SPOCK3: variants seen among roughly 807,000 people sequenced by gnomAD.
SPOCK3 encodes the protein SPARC (osteonectin), cwcv and kazal like domains proteoglycan 3.
SPOCK3 carries 30 observed loss-of-function variants against 56.6 expected under a neutral mutation model. The observed-to-expected ratio is 0.53, with a 90% CI of 0.40 to 0.72. The LOEUF is 0.72. SPOCK3 is among the 30% of genes least tolerant of loss of function. SPOCK3 has a pLI of 0.00. For missense variants in SPOCK3, 527 were observed against 530.0 expected (o/e 0.99, Z 0.06); for synonymous variants, 196 against 183.3 (o/e 1.07, Z -0.56).
intron 7 of SPOCK3, among the ~76,000 whole-genome samples, chr4:166,773,836 G>C (rs1037607896): frequency 6.6e-6 from 1 of 152,060 alleles, no homozygotes; most frequent in African/African-American, 2.4e-5. Context: ...CTAGTATATT[G>C]ATCACACCAT....
chr4:167,185,265 T>C (rs1332648603), intron 2 of SPOCK3, among the ~76,000 whole-genome samples: 1 of 152,196 alleles, frequency 6.6e-6, no homozygotes, highest in Non-Finnish European at 1.5e-5. Context: ...TTTAACTAAA[T>C]ATTAAAACAG....
At chr4:166,921,090 G>C (rs1738430289) in intron 4 of SPOCK3, among the ~76,000 whole-genome samples, 2 of 152,118 alleles carry the variant, frequency 1.3e-5, no homozygotes, top group South Asian at 2.1e-4. Flanking sequence ...TGTTTTGCTT[G>C]AGTCTGATTT....
chr4:167,103,229 A>C (rs951707636), intron 2 of SPOCK3, among the ~76,000 whole-genome samples: 6 of 152,068 alleles, frequency 3.9e-5, no homozygotes, highest in Non-Finnish European at 7.4e-5. Flanking sequence ...ACCTTGAGTA[A>C]GATTTTTGAG....
chr4:166,755,410 A>C (rs1342470725), intron 7 of SPOCK3, among the ~76,000 whole-genome samples: 1 of 152,140 alleles, frequency 6.6e-6, no homozygotes, highest in African/African-American at 2.4e-5. Context: ...CAAGCTACAC[A>C]CTACTCCACA....
At chr4:167,183,668 A>T (rs1218178790) in intron 2 of SPOCK3, among the ~76,000 whole-genome samples, 1 of 152,220 alleles carries the variant, frequency 6.6e-6, no homozygotes, top group Non-Finnish European at 1.5e-5. Context: ...ATAGCCACAT[A>T]AAATTATAGT....
At chr4:167,016,509 T>C (rs916770063) in intron 3 of SPOCK3, among the ~76,000 whole-genome samples, 17 of 152,170 alleles carry the variant, frequency 1.1e-4, no homozygotes, top group Non-Finnish European at 1.9e-4. Flanking sequence ...AAGCTGGATA[T>C]GTCACTGAGA....
intron 2 of SPOCK3, among the ~76,000 whole-genome samples, chr4:167,084,406 T>A (rs992147860): frequency 6.6e-6 from 1 of 152,162 alleles, no homozygotes; most frequent in East Asian, 1.9e-4. Context: ...TTTATATTTT[T>A]TCTTCTCTGA....
At chr4:167,217,179 G>T (rs1735445731) in intron 2 of SPOCK3, among the ~76,000 whole-genome samples, 1 of 151,952 alleles carries the variant, frequency 6.6e-6, no homozygotes, top group Admixed American at 6.6e-5. Flanking sequence ...ATAATAATTT[G>T]AATATCCTTA....
intron 2 of SPOCK3, chr4:167,083,241 T>C (rs1257431779): frequency 1.3e-6 from 1 of 765,438 alleles, no homozygotes; most frequent in Admixed American, 1.7e-5. Context: ...AGCAAACCTC[T>C]ACTTCCTCAG....
chr4:166,874,196 C>T (rs765752060), intron 6 of SPOCK3, among the ~76,000 whole-genome samples: 5 of 152,058 alleles, frequency 3.3e-5, no homozygotes, highest in Non-Finnish European at 7.4e-5. Context: ...GCTTGGCGTT[C>T]CTCAGCTAAT....
chr4:167,065,549 C>T (rs574015979), intron 2 of SPOCK3, among the ~76,000 whole-genome samples: 39 of 151,778 alleles, frequency 2.6e-4, no homozygotes, highest in African/African-American at 7.2e-4. Flanking sequence ...AGGGCAATCT[C>T]GAAGCCTGGC....
chr4:167,045,629 A>G (rs143200141), intron 3 of SPOCK3, among the ~76,000 whole-genome samples: 1 of 152,142 alleles, frequency 6.6e-6, no homozygotes, highest in African/African-American at 2.4e-5. Flanking sequence ...TCATGTATTT[A>G]TAAGTAATCC....
chr4:167,104,869 G>T (rs1412360355), intron 2 of SPOCK3, among the ~76,000 whole-genome samples: 1 of 150,716 alleles, frequency 6.6e-6, no homozygotes, highest in Non-Finnish European at 1.5e-5. Context: ...ACACACAATT[G>T]GGCTCCAAAA....
chr4:167,118,721 A>G (rs1250073508), intron 2 of SPOCK3, among the ~76,000 whole-genome samples: 1 of 152,206 alleles, frequency 6.6e-6, no homozygotes, highest in African/African-American at 2.4e-5. Context: ...CTGTTTTACA[A>G]GTATGTTATA....
chr4:166,880,289 T>C (rs547644828), intron 6 of SPOCK3, among the ~76,000 whole-genome samples: 83 of 152,304 alleles, frequency 5.4e-4, no homozygotes, highest in Non-Finnish European at 9.0e-4. Context: ...GCTCTTTATC[T>C]CTTTCAAGTC....
intron 9 of SPOCK3, among the ~76,000 whole-genome samples, chr4:166,741,542 A>G (rs1474909960): frequency 6.6e-6 from 1 of 152,182 alleles, no homozygotes; most frequent in Non-Finnish European, 1.5e-5. Context: ...TTACTTATTA[A>G]AAGAAGGGTA....
chr4:166,872,726 T>C (rs1225325353), intron 6 of SPOCK3, among the ~76,000 whole-genome samples: 1 of 152,178 alleles, frequency 6.6e-6, no homozygotes, highest in Non-Finnish European at 1.5e-5. Context: ...TCTAACTATA[T>C]GAATGTCTTA....
chr4:167,122,477 G>A (rs1410166967), intron 2 of SPOCK3, among the ~76,000 whole-genome samples: 1 of 152,166 alleles, frequency 6.6e-6, no homozygotes, highest in Non-Finnish European at 1.5e-5. Context: ...ATTGTAAAGG[G>A]CCATAAGTTA....
intron 2 of SPOCK3, among the ~76,000 whole-genome samples, chr4:167,204,189 A>G (rs1580609627): frequency 6.6e-6 from 1 of 151,954 alleles, no homozygotes; most frequent in South Asian, 2.1e-4. Context: ...CAATGGCTGG[A>G]ATATAGATGT....
Sources: gnomAD v4.1 joint callset for allele counts (sites outside exome capture counted in the v4.1 genomes callset) on GRCh38, gnomAD v4.1.1 for gene constraint, MANE v1.5 for transcripts, NCBI Gene and HGNC (gene_info 2026-07-23, HGNC 2026-07-21) for gene names.